The following ITIH3 variants were observed in gnomAD, a reference collection of about 807,000 sequenced individuals.
The protein encoded by ITIH3 is inter-alpha-trypsin inhibitor heavy chain H3.
Under a neutral mutation model 96.5 loss-of-function variants are expected in ITIH3, and 81 were observed. That is an observed-to-expected ratio of 0.84 (90% CI 0.70 to 1.01). The LOEUF (loss-of-function observed/expected upper bound fraction) is 1.01, where lower values mean the gene tolerates loss of function less well. Ranked by LOEUF, ITIH3 falls within the 50% of genes least tolerant of loss-of-function variation. The pLI, the probability that ITIH3 is intolerant of heterozygous loss-of-function variation, is 0.00. For missense variants in ITIH3, 1,057 were observed against 1,139.3 expected, an observed-to-expected ratio of 0.93 and a Z score of 1.04; for synonymous variants, 422 against 445.2, an observed-to-expected ratio of 0.95 and a Z score of 0.66.
rs199755994 is a variant in ITIH3 at position 52,808,613 on chromosome 3, G to A, written c.2605G>A (p.Val869Ile). Residue 869 changes from valine to isoleucine, a missense_variant, in exon 22 of 22, where the codon GTC becomes ATC. By Grantham distance (29) the Val-to-Ile change is conservative. Coordinates refer to ENST00000449956, the MANE Select transcript of ITIH3 (RefSeq NM_002217.4). ...CGGCACGAAGGTTGTCTGCTGGTTC[G>A]TCCACAACAACGGAGAAGGGCTGAT... The part of the protein sequence containing the change: ...SIGTKVVCWF[V>I]HNNGEGLIDG... 1.1e-4 allele frequency: 173 copies of A among 1,613,996 alleles called. 2 individuals are homozygous for A. The highest frequency in any genetic ancestry group is 9.9e-4 in the South Asian group (90 of 91,082).
At position 52,808,103 on chromosome 3, in the gene ITIH3, T is replaced by C; in HGVS notation, c.2432-7T>C. 1 of 1,613,652 alleles carries C rather than the reference T, an allele frequency of 6.2e-7. No homozygotes were observed. Among genetic ancestry groups the C allele is most frequent in the Non-Finnish European group, 8.5e-7 (1 of 1,179,536 alleles). ...GGGGCTGACAGCATGAATATTTTTC[T>C]TCCCAGGGCAATTCTTCCAACCCTT... is the stretch of plus-strand genomic sequence containing the variant. On this transcript the variant is annotated splice_region_variant and splice_polypyrimidine_tract_variant and intron_variant, in intron 20 of 21. Transcript: ENST00000449956.
At chr3:52,808,287 C>G in intron 21 of ITIH3, 66 bp downstream of exon 21, 2 of 1,357,748 alleles carry the variant, frequency 1.5e-6, no homozygotes, top group Admixed American at 3.4e-5. Context: ...ACCTGCAGCC[C>G]AGGCACATTA....
chr3:52,795,073 G>T (rs1699524432), intron 1 of ITIH3, among the ~76,000 whole-genome samples, 177 bp downstream of exon 1: 1 of 152,142 alleles, frequency 6.6e-6, no homozygotes, highest in South Asian at 2.1e-4. Flanking sequence ...CTAACCTGTT[G>T]TCTAACCCTG....
intron 21 of ITIH3, 137 bp downstream of exon 21, chr3:52,808,358 C>T (rs1316607570): frequency 9.5e-7 from 1 of 1,052,790 alleles, no homozygotes. Context: ...CTTGGCCCCT[C>T]CCAGGCTCTT....
chr3:52,806,855 T>C (rs1415099647), intron 18 of ITIH3, 46 bp from the exon 19 acceptor site: 1 of 1,502,608 alleles, frequency 6.7e-7, no homozygotes, highest in East Asian at 2.5e-5. Flanking sequence ...CAATCTGGAC[T>C]CAGAAGTTCT....
chr3:52,801,049 A>G lies in ITIH3; in HGVS notation c.1286A>G (p.Asn429Ser). 6.2e-7 allele frequency: 1 copy of G among 1,613,808 alleles called. No homozygotes were observed. Among genetic ancestry groups the G allele is most frequent in the Non-Finnish European group, 8.5e-7 (1 of 1,179,788 alleles). The part of the protein sequence containing the change: ...KFPLYNLGFG[N>S]NLNYNFLENM... ...CCCTTGTATAACCTGGGCTTTGGCAACAATCTGAATTATAACTTCCTGGAG... is the reference window on the plus strand; with the variant it reads ...CCCTTGTATAACCTGGGCTTTGGCAGCAATCTGAATTATAACTTCCTGGAG... Residue 429 changes from asparagine to serine, a missense_variant, in exon 11 of 22, where the codon AAC (asparagine) becomes AGC (serine). Transcript: ENST00000449956.
intron 21 of ITIH3, 93 bp from the exon 22 acceptor site, chr3:52,808,459 G>A (rs752623044): frequency 1.4e-4 from 218 of 1,527,052 alleles, no homozygotes; most frequent in Non-Finnish European, 1.8e-4. Context: ...TGTTAGAATT[G>A]CCAACTTCCC....
chr3:52,802,110 G>A (rs2154109840), intron 11 of ITIH3: 3 of 463,082 alleles, frequency 6.5e-6, no homozygotes, highest in African/African-American at 2.0e-5. Context: ...TTTTTAATAG[G>A]AAATACTTCT....
intron 15 of ITIH3, chr3:52,805,426 G>C (rs376013901): frequency 3.8e-6 from 4 of 1,065,108 alleles, no homozygotes; most frequent in East Asian, 1.4e-4. Context: ...TGCACGTGTG[G>C]GTGGGTGTTT....
rs1479678483 is a variant in ITIH3, at chr3:52,807,614, CT to C, written c.2262-132del. Reference sequence around the variant, plus strand: ...ATGAGGCATCCTCTTTCCAACGCCCCTGAGATAGTTTCTGGAGTCTGTGGGC... The same window carrying C: ...ATGAGGCATCCTCTTTCCAACGCCCCGAGATAGTTTCTGGAGTCTGTGGGC... On this transcript the variant is annotated intron_variant, in intron 19 of 21. Transcript: ENST00000449956. The C allele has an allele frequency of 6.5e-6, 5 of 766,112 alleles. No homozygotes were observed. The African/African-American group carries it at 8.8e-5, about 13-fold the overall frequency. 47.5% of individuals were successfully genotyped at this position (766,112 alleles called of 1,614,324 possible).
chr3:52,808,763 A>T lies in ITIH3; in HGVS notation c.*82A>T. On this transcript the variant is annotated 3_prime_UTR_variant, in exon 22 of 22. Coordinates refer to ENST00000449956, the MANE Select transcript of ITIH3 (RefSeq NM_002217.4). ...ATGGGCACAGAGAGGGGCCTGTGGG[A>T]GGGGCTGGGAAAATAAAGTCCAAGG... 3.3e-6 allele frequency: 5 copies of T among 1,536,476 alleles called. No individual in the cohort carries two copies. Among genetic ancestry groups the T allele is most frequent in the Non-Finnish European group, 4.5e-6 (5 of 1,116,776 alleles).
rs777129863 is a variant in ITIH3, at chr3:52,806,110, C to T, written c.1914C>T (p.Tyr638=). 1 of 1,601,756 alleles carries T rather than the reference C, an allele frequency of 6.2e-7. No homozygotes were observed. Among genetic ancestry groups the T allele is most frequent in the Admixed American group, 1.7e-5 (1 of 58,502 alleles). The stretch of plus-strand genomic sequence containing the variant: ...CTCCCTTTGTATCTGCAGCCAGCTA[C>T]CAGCCTCCTCAAAACCCCTACTACT... ...VSPAMSYLTS[Y]QPPQNPYYYV... Residue 638 remains tyrosine, a synonymous_variant, in exon 17 of 22, where the codon TAC becomes TAT. Transcript: ENST00000449956.
At chr3:52,805,738 G>T in intron 15 of ITIH3, 70 bp from the exon 16 acceptor site, 1 of 1,606,248 alleles carries the variant, frequency 6.2e-7, no homozygotes, top group Non-Finnish European at 8.5e-7. Flanking sequence ...CGCTAAGACA[G>T]GAGGAAGGCA....
chr3:52,799,649 G>A, intron 8 of ITIH3, 104 bp from the exon 9 acceptor site: 1 of 1,282,602 alleles, frequency 7.8e-7, no homozygotes, highest in East Asian at 2.5e-5. Context: ...CAAGCCTCAG[G>A]CAGGGCTCGC....
At position 52,796,575 on chromosome 3, in the gene ITIH3, G is replaced by A. The variant is rs192350744; in HGVS notation, c.209G>A (p.Arg70His). ...HNVVTMRAVN[R>H]ADTAKEVSFD... is the part of the protein sequence containing the mutation. ...GTTGTCACCATGAGAGCCGTCAACCGTGCAGACACGGCCAAGGAGGTTTCC... is the reference window on the plus strand; with the variant it reads ...GTTGTCACCATGAGAGCCGTCAACCATGCAGACACGGCCAAGGAGGTTTCC... The change falls in exon 3 of 22, where the codon CGT becomes CAT. Residue 70 changes from arginine (R) to histidine (H), a missense_variant. Physicochemically the swap from Arg to His is conservative, Grantham distance 29 (BLOSUM62 0). Coordinates refer to ENST00000449956, the MANE Select transcript of ITIH3 (RefSeq NM_002217.4). The A allele has an allele frequency of 8.7e-6, 14 of 1,613,414 alleles. No homozygotes were observed. The highest frequency in any genetic ancestry group is 1.7e-4 in the Middle Eastern group (1 of 6,056).
rs749837026 is a variant in ITIH3 at position 52,806,957 on chromosome 3, AC to A, written c.2115del (p.Arg706GlufsTer21). The A allele has an allele frequency of 3.3e-5, 53 of 1,593,634 alleles. No individual in the cohort carries two copies. Among genetic ancestry groups the A allele is most frequent in the Non-Finnish European group, 4.3e-5 (50 of 1,170,232 alleles). On this transcript the variant is annotated frameshift_variant, in exon 19 of 22. Coordinates refer to ENST00000449956, the MANE Select transcript of ITIH3 (RefSeq NM_002217.4). LOFTEE classifies it high-confidence loss of function. ...GDKRGSPDSK[T>X]RKTYFGKLGI... ...CAAGAGAGGCAGCCCTGACTCCAAG[AC>A]CAGAAAGACTTACTTTGGAAAACTG...
intron 11 of ITIH3, among the ~76,000 whole-genome samples, chr3:52,801,729 C>T (rs1197347432): frequency 1.3e-5 from 2 of 152,208 alleles, no homozygotes; most frequent in African/African-American, 4.8e-5. Flanking sequence ...TACTCATGAC[C>T]TTATTTTGTA....
At position 52,800,875 on chromosome 3, in the gene ITIH3, C is replaced by G. The variant is rs9842245; in HGVS notation, c.1202-90C>G. The G allele has an allele frequency of 3.3e-3, 5,099 of 1,535,866 alleles. 151 individuals are homozygous for G. The African/African-American group carries it at 0.062, about 19-fold the overall frequency. ...CATGGTCGTGACTCCAGCAACTCTG[C>G]ATGTGCAGGAGTCCGGTCTCCCCAG... On this transcript the variant is annotated intron_variant, in intron 10 of 21. Coordinates refer to ENST00000449956, the MANE Select transcript of ITIH3 (RefSeq NM_002217.4).
chr3:52,804,490 G>A (rs1003999382), intron 14 of ITIH3: 2 of 557,612 alleles, frequency 3.6e-6, no homozygotes, highest in African/African-American at 3.8e-5. Flanking sequence ...GTCTGTGTGT[G>A]GTGGTGGAGG....
Sources: gnomAD v4.1 joint callset for allele counts (sites outside exome capture counted in the v4.1 genomes callset) on GRCh38, gnomAD v4.1.1 for gene constraint, MANE v1.5 for transcripts, NCBI Gene and HGNC (gene_info 2026-07-23, HGNC 2026-07-21) for gene names.